The following SEC14L5 variants were observed in gnomAD, a reference collection of about 807,000 sequenced individuals.
The protein encoded by SEC14L5 is SEC14-like protein 5.
A neutral mutation model predicts 84.6 loss-of-function variants in SEC14L5; 96 were observed. The observed-to-expected ratio is 1.13, with a 90% CI of 0.96 to 1.34. SEC14L5 has a LOEUF of 1.34. Ranked by LOEUF, SEC14L5 falls within the 40% of genes most tolerant of loss-of-function variation. The pLI, the probability that SEC14L5 is intolerant of heterozygous loss-of-function variation, is 0.00. For missense variants in SEC14L5, 1,224 were observed against 942.5 expected (o/e 1.30, Z -3.91); for synonymous variants, 546 against 383.4 (o/e 1.42, Z -4.95).
intron 2 of SEC14L5, among the ~76,000 whole-genome samples, chr16:4,975,339 G>C (rs1278643540): frequency 6.6e-6 from 1 of 151,852 alleles, no homozygotes; most frequent in African/African-American, 2.4e-5. Flanking sequence ...TGGGCATGGT[G>C]GTGGGCGCCT....
In SEC14L5 at chr16:4,997,023, G is replaced by A; in HGVS notation, c.949G>A (p.Gly317Ser). 1.9e-6 allele frequency: 3 copies of A among 1,611,716 alleles called. No individual in the cohort carries two copies. The highest frequency in any genetic ancestry group is 2.5e-6 in the Non-Finnish European group (3 of 1,178,980). The part of the protein sequence containing the change: ...PALLEEFYAG[G>S]WHYQDIDGRP... ...CCTGCTGGAGGAGTTCTATGCAGGGGGCTGGCATTACCAGGACATAGGTGC... is the reference window on the plus strand; with the variant it reads ...CCTGCTGGAGGAGTTCTATGCAGGGAGCTGGCATTACCAGGACATAGGTGC... The change falls in exon 8 of 16, where the codon GGC becomes AGC. Residue 317 changes from glycine to serine, a missense_variant. Gly to Ser is a moderately conservative substitution (Grantham distance 56). Transcript: ENST00000251170.
At chr16:4,996,202 G>T (rs1955606441) in intron 6 of SEC14L5, 146 bp from the exon 7 acceptor site, 1 of 579,716 alleles carries the variant, frequency 1.7e-6, no homozygotes. Flanking sequence ...AGAGTCCGGT[G>T]GCTGCTGTCT....
intron 15 of SEC14L5, among the ~76,000 whole-genome samples, chr16:5,014,095 G>C (rs866681002): frequency 4.6e-5 from 7 of 152,206 alleles, no homozygotes; most frequent in African/African-American, 1.7e-4. Context: ...CTATCTGGTC[G>C]CTGCTAGTCA....
chr16:4,979,559 C>G (rs1955393921), intron 2 of SEC14L5, among the ~76,000 whole-genome samples: 2 of 152,178 alleles, frequency 1.3e-5, no homozygotes, highest in Admixed American at 1.3e-4. Context: ...TTTTGGTACT[C>G]ATCGGCACCT....
At chr16:4,978,164 C>G (rs1236440525) in intron 2 of SEC14L5, among the ~76,000 whole-genome samples, 2 of 87,272 alleles carry the variant, frequency 2.3e-5, no homozygotes, top group African/African-American at 9.0e-5. Context: ...CCTGTAATCC[C>G]AGCACTTTGG....
rs183651023 is a variant in SEC14L5 at position 4,971,069 on chromosome 16, C to T, written c.63+11683C>T. ...ATACAGAGCCGAGATTGCACCACTG[C>T]ACTCCAGCCTGGTGACAGAGCCAAA... is the stretch of plus-strand genomic sequence containing the variant. On this transcript the variant is annotated intron_variant, in intron 2 of 15. Coordinates refer to ENST00000251170, the MANE Select transcript of SEC14L5 (RefSeq NM_014692.2). Among the ~76,000 whole-genome samples the T allele has an allele frequency of 1.0e-4, 15 of 148,730 alleles. No individual in the cohort carries two copies. The East Asian group carries it at 2.6e-3, about 25-fold the overall frequency.
chr16:4,981,402 G>A (rs1470046400), intron 2 of SEC14L5, among the ~76,000 whole-genome samples: 2 of 151,526 alleles, frequency 1.3e-5, no homozygotes, highest in Non-Finnish European at 2.9e-5. Flanking sequence ...GTGAGCCACC[G>A]CGCCTGGTCT....
chr16:4,971,411 A>G (rs962193057), intron 2 of SEC14L5, among the ~76,000 whole-genome samples: 47 of 152,162 alleles, frequency 3.1e-4, no homozygotes, highest in African/African-American at 1.1e-3. Flanking sequence ...GTGAGCCGTG[A>G]TCTTGCCACT....
intron 11 of SEC14L5, among the ~76,000 whole-genome samples, chr16:5,004,293 G>T (rs918435492): frequency 6.6e-6 from 1 of 152,114 alleles, no homozygotes; most frequent in African/African-American, 2.4e-5. Context: ...GGTGAGGCTA[G>T]GGGGCAGGAG....
chr16:5,005,225 G>A (rs2142525422), intron 11 of SEC14L5, among the ~76,000 whole-genome samples: 1 of 152,230 alleles, frequency 6.6e-6, no homozygotes, highest in Admixed American at 6.5e-5. Context: ...TGAGGCAGGA[G>A]AATCACTTGA....
rs1346354675 is a variant in SEC14L5, at chr16:5,005,920, C to A, written c.1309C>A (p.Pro437Thr). ...VFPVLWTLIS[P>T]FINENTRRKF... ...CCTTATGTCCTGGTTTCAGATCAGC[C>A]CCTTCATCAATGAGAACACCAGGCG... Residue 437 changes from proline to threonine, a missense_variant, in exon 12 of 16, where the codon CCC becomes ACC. Transcript: ENST00000251170. 6 of 1,590,948 alleles carry A rather than the reference C, an allele frequency of 3.8e-6. No homozygotes were observed. The highest frequency in any genetic ancestry group is 1.3e-5 in the African/African-American group (1 of 74,268).
At chr16:4,969,956 T>C (rs1431052378) in intron 2 of SEC14L5, among the ~76,000 whole-genome samples, 1 of 152,056 alleles carries the variant, frequency 6.6e-6, no homozygotes, top group Non-Finnish European at 1.5e-5. Flanking sequence ...TAGCTGGGAC[T>C]ACAGGCACAC....
chr16:5,015,301 T>G lies in SEC14L5; in HGVS notation c.*331T>G. On this transcript the variant is annotated 3_prime_UTR_variant, in exon 16 of 16. Transcript: ENST00000251170. ...GCCCATCTCCTCTCTGTCCACCTCT[T>G]GCTCTGCTTTCGCCATGCAGGGGAC... is the stretch of plus-strand genomic sequence containing the variant. 1 of 276,872 alleles carries G rather than the reference T, an allele frequency of 3.6e-6. No individual in the cohort carries two copies. The highest frequency in any genetic ancestry group is 7.8e-5 in the South Asian group (1 of 12,782). The allele number at this position is 276,872 out of a possible 1,614,324, so 17.2% of individuals were successfully genotyped here. A position where few individuals can be genotyped will look rare whatever the true frequency, so the allele number is the denominator to read the frequency against.
intron 2 of SEC14L5, among the ~76,000 whole-genome samples, chr16:4,983,940 C>T (rs550160936): frequency 2.4e-4 from 36 of 151,922 alleles, no homozygotes; most frequent in African/African-American, 8.5e-4. Flanking sequence ...CATGTGGATT[C>T]ATATGTGTGT....
chr16:5,008,626 G>A lies in SEC14L5; in HGVS notation c.1778G>A (p.Cys593Tyr). Residue 593 changes from cysteine to tyrosine, a missense_variant, in exon 14 of 16, where the codon TGC becomes TAC. Coordinates refer to ENST00000251170, the MANE Select transcript of SEC14L5 (RefSeq NM_014692.2). ...AGCCGTGTGGAGGCTCCCCTTGTCTGCCGGGAGGGGGAGAGCATCCAGGTT... is the reference window on the plus strand; with the variant it reads ...AGCCGTGTGGAGGCTCCCCTTGTCTACCGGGAGGGGGAGAGCATCCAGGTT... Reference protein sequence around the residue: ...DYSRVEAPLVCREGESIQGSH... With the variant: ...DYSRVEAPLVYREGESIQGSH... The A allele has an allele frequency of 7.5e-6, 12 of 1,606,134 alleles. No homozygotes were observed. The highest frequency in any genetic ancestry group is 1.0e-5 in the Non-Finnish European group (12 of 1,177,904).
rs1596615707 is a variant in SEC14L5, at chr16:4,970,496, T to C, written c.63+11110T>C. 2.0e-5 allele frequency among the ~76,000 whole-genome samples: 3 copies of C among 152,248 alleles called. 1 individual carries two copies. The highest frequency in any genetic ancestry group is 2.0e-4 in the Admixed American group (3 of 15,284). ...GGTCTGGAGGCATTCCTGAGACACTTGGAAAATTTAAAATAGTGTTTCCCC... is the reference window on the plus strand; with the variant it reads ...GGTCTGGAGGCATTCCTGAGACACTCGGAAAATTTAAAATAGTGTTTCCCC... On this transcript the variant is annotated intron_variant, in intron 2 of 15. Coordinates refer to ENST00000251170, the MANE Select transcript of SEC14L5 (RefSeq NM_014692.2).
At chr16:4,979,200 AGG>A (rs1214039028) in intron 2 of SEC14L5, among the ~76,000 whole-genome samples, 2 of 152,154 alleles carry the variant, frequency 1.3e-5, no homozygotes, top group Non-Finnish European at 2.9e-5. Flanking sequence ...GTATGAGCTG[AGG>A]GTATGAACCA....
chr16:5,014,168 C>T (rs1446477881), intron 15 of SEC14L5, among the ~76,000 whole-genome samples: 1 of 152,258 alleles, frequency 6.6e-6, no homozygotes, highest in Non-Finnish European at 1.5e-5. Context: ...GCCTCAGTCG[C>T]ATGGGCCACA....
chr16:4,971,204 C>T (rs746814642), intron 2 of SEC14L5, among the ~76,000 whole-genome samples: 2 of 152,022 alleles, frequency 1.3e-5, no homozygotes, highest in South Asian at 2.1e-4. Flanking sequence ...CGCCTATAAT[C>T]GTAGCACTTT....
Sources: allele counts gnomAD v4.1 joint callset (sites outside exome capture counted in the v4.1 genomes callset), GRCh38; gene constraint gnomAD v4.1.1; transcripts MANE v1.5; gene names NCBI Gene and HGNC (gene_info 2026-07-23, HGNC 2026-07-21).